The following NAALADL2 variants were observed in gnomAD, a reference collection of about 807,000 sequenced individuals.
NAALADL2 encodes inactive N-acetylated-alpha-linked acidic dipeptidase-like protein 2.
Under a neutral mutation model 87.2 loss-of-function variants are expected in NAALADL2, and 76 were observed. The ratio of observed to expected loss-of-function variants is 0.87; its 90% confidence interval spans 0.72 to 1.05. The LOEUF is 1.05. Ranked by LOEUF, NAALADL2 falls within the 50% of genes least tolerant of loss-of-function variation. The pLI is 0.00. For missense variants in NAALADL2, 1,089 were observed against 945.8 expected, an observed-to-expected ratio of 1.15 and a Z score of -1.99; for synonymous variants, 354 against 331.0, an observed-to-expected ratio of 1.07 and a Z score of -0.75.
rs565122055 is a variant in NAALADL2, at chr3:174,737,183, C to A, written c.-114-458C>A. The stretch of plus-strand genomic sequence containing the variant: ...GGCAGCAACCTCTCCAGATGGGCTG[C>A]TGCTGCCAACACCTCTATATTCCCC... On this transcript the variant is annotated intron_variant, in intron 2 of 3. Coordinates refer to the NAALADL2 transcript ENST00000434257. Among the ~76,000 whole-genome samples, 6 of 152,328 alleles carry A rather than the reference C, an allele frequency of 3.9e-5. No homozygotes were observed. In the East Asian group the frequency reaches 1.2e-3, roughly 29 times the overall value.
intron 5 of NAALADL2, among the ~76,000 whole-genome samples, chr3:175,398,349 T>TTTTC (rs1560489370): frequency 0.017 from 1,362 of 82,474 alleles, 21 homozygotes; most frequent in African/African-American, 0.046. Flanking sequence ...TGCTACTTTT[T>TTTTC]TTTTTTTTTT....
intron 2 of NAALADL2, among the ~76,000 whole-genome samples, chr3:175,208,083 T>G (rs527350677): frequency 1.3e-5 from 2 of 152,260 alleles, no homozygotes; most frequent in South Asian, 4.1e-4. Flanking sequence ...TGCTCACTGT[T>G]TCTTTTGTTT....
At chr3:175,282,408 G>A (rs575073582) in intron 4 of NAALADL2, among the ~76,000 whole-genome samples, 1 of 152,156 alleles carries the variant, frequency 6.6e-6, no homozygotes, top group South Asian at 2.1e-4. Context: ...GGAAAATCCT[G>A]TGACATCAGC....
intron 12 of NAALADL2, among the ~76,000 whole-genome samples, chr3:175,745,267 A>G (rs1322902571): frequency 6.6e-6 from 1 of 152,244 alleles, no homozygotes; most frequent in Admixed American, 6.5e-5. Context: ...GGTCAATGCC[A>G]AGCACATAAT....
chr3:175,060,784 A>T (rs1229754535), intron 1 of NAALADL2, among the ~76,000 whole-genome samples: 1 of 152,226 alleles, frequency 6.6e-6, no homozygotes, highest in Non-Finnish European at 1.5e-5. Context: ...GCCGTGGCTC[A>T]TGCCTGTAAT....
intron 1 of NAALADL2, among the ~76,000 whole-genome samples, chr3:175,049,786 C>T (rs757770363): frequency 6.6e-6 from 1 of 152,122 alleles, no homozygotes; most frequent in South Asian, 2.1e-4. Context: ...AAGCATTAAG[C>T]TCTCTGGATT....
intron 1 of NAALADL2, among the ~76,000 whole-genome samples, chr3:174,872,147 G>A (rs936782040): frequency 2.6e-5 from 4 of 152,084 alleles, no homozygotes; most frequent in African/African-American, 7.2e-5. Context: ...TGAAAACCTC[G>A]TGCTGTTAAG....
chr3:174,885,714 T>C (rs530500860), intron 1 of NAALADL2, among the ~76,000 whole-genome samples: 186 of 150,846 alleles, frequency 1.2e-3, no homozygotes, highest in Admixed American at 2.6e-3. Context: ...GCACCCCTGG[T>C]ACCAAAATCT....
intron 1 of NAALADL2, among the ~76,000 whole-genome samples, chr3:174,445,042 C>A (rs1714947811): frequency 6.6e-6 from 1 of 150,868 alleles, no homozygotes; most frequent in African/African-American, 2.4e-5. Flanking sequence ...ATTTAGGGAC[C>A]ATTTGTTTCT....
intron 1 of NAALADL2, among the ~76,000 whole-genome samples, chr3:174,899,343 T>A (rs1732021728): frequency 6.6e-6 from 1 of 152,188 alleles, no homozygotes; most frequent in South Asian, 2.1e-4. Context: ...CACCCAAATC[T>A]CATGTTGAAA....
intron 1 of NAALADL2, among the ~76,000 whole-genome samples, chr3:174,905,923 A>G (rs1256676056): frequency 6.6e-6 from 1 of 152,108 alleles, no homozygotes; most frequent in Non-Finnish European, 1.5e-5. Context: ...CCTGGATATT[A>G]ATCTTTGTTT....
At chr3:175,138,356 A>C (rs576075478) in intron 2 of NAALADL2, among the ~76,000 whole-genome samples, 2 of 151,786 alleles carry the variant, frequency 1.3e-5, no homozygotes, top group South Asian at 4.2e-4. Context: ...CTTATCCAAA[A>C]CTCCTGGGGG....
intron 8 of NAALADL2, among the ~76,000 whole-genome samples, chr3:175,469,959 A>G (rs1162647216): frequency 6.6e-6 from 1 of 152,116 alleles, no homozygotes; most frequent in Non-Finnish European, 1.5e-5. Flanking sequence ...TGTGCGCTTA[A>G]AATGTTTACT....
At chr3:174,927,955 G>A (rs1736328928) in intron 1 of NAALADL2, among the ~76,000 whole-genome samples, 1 of 152,070 alleles carries the variant, frequency 6.6e-6, no homozygotes, top group South Asian at 2.1e-4. Context: ...GCTTTTCATA[G>A]TGAGCACACA....
intron 2 of NAALADL2, among the ~76,000 whole-genome samples, chr3:174,574,841 G>T (rs1256226210): frequency 6.6e-6 from 1 of 151,936 alleles, no homozygotes; most frequent in African/African-American, 2.4e-5. Flanking sequence ...CTATGATGTT[G>T]CTTGTATCAA....
chr3:175,770,611 A>C (rs947658380), intron 13 of NAALADL2, among the ~76,000 whole-genome samples: 1 of 152,176 alleles, frequency 6.6e-6, no homozygotes, highest in Non-Finnish European at 1.5e-5. Flanking sequence ...AACATGGCCA[A>C]ATATTTCTGG....
At chr3:174,770,826 C>T (rs997082106) in intron 3 of NAALADL2, among the ~76,000 whole-genome samples, 5 of 145,844 alleles carry the variant, frequency 3.4e-5, no homozygotes, top group African/African-American at 5.1e-5. Flanking sequence ...CCAGCCTGGG[C>T]GACAGCAAGA....
chr3:175,521,190 C>T (rs1732605997), intron 9 of NAALADL2, among the ~76,000 whole-genome samples: 1 of 151,530 alleles, frequency 6.6e-6, no homozygotes, highest in African/African-American at 2.4e-5. Context: ...AGGGAGTATA[C>T]ATTTTTCCCT....
At chr3:174,509,937 A>G (rs1719488257) in intron 1 of NAALADL2, among the ~76,000 whole-genome samples, 1 of 152,122 alleles carries the variant, frequency 6.6e-6, no homozygotes, top group South Asian at 2.1e-4. Context: ...TACTTTGCCT[A>G]AAATATTTAT....
Sources: gnomAD v4.1 joint callset for allele counts (sites outside exome capture counted in the v4.1 genomes callset) on GRCh38, gnomAD v4.1.1 for gene constraint, MANE v1.5 for transcripts, NCBI Gene and HGNC (gene_info 2026-07-23, HGNC 2026-07-21) for gene names.